SLC25A27: variants seen among roughly 807,000 people sequenced by gnomAD.
SLC25A27 encodes the protein solute carrier family 25 member 27.
Under a neutral mutation model 49.1 loss-of-function variants are expected in SLC25A27, and 35 were observed. The ratio of observed to expected loss-of-function variants is 0.71; its 90% confidence interval spans 0.54 to 0.95. The LOEUF is 0.95. SLC25A27 is among the 40% of genes least tolerant of loss of function. The probability of loss-of-function intolerance (pLI) is 0.00; values close to 1 mark genes in which losing one functional copy is unlikely to be tolerated. For synonymous variants in SLC25A27, 144 were observed against 136.9 expected, an observed-to-expected ratio of 1.05 and a Z score of -0.36; for missense variants, 339 against 397.1, an observed-to-expected ratio of 0.85 and a Z score of 1.24.
Position 46,670,201 on chromosome 6 carries a change from G to A in SLC25A27, c.771G>A (p.Met257Ile). The A allele has an allele frequency of 6.2e-7, 1 of 1,612,732 alleles. No individual in the cohort carries two copies. The highest frequency in any genetic ancestry group is 1.3e-5 in the African/African-American group (1 of 74,906). ...TPADVIKSRI[M>I]NQPRDKQGRG... is the part of the protein sequence containing the mutation. ...CCGATGTCATCAAAAGCAGAATAAT[G>A]AATCAACCACGAGATAAACAAGGAA... Residue 257 changes from methionine (M) to isoleucine (I), a missense_variant, in exon 7 of 9, where the codon ATG becomes ATA. Physicochemically the swap from Met to Ile is conservative, Grantham distance 10. Transcript: ENST00000371347.
At chr6:46,664,606 A>T (rs1763265513) in intron 4 of SLC25A27, among the ~76,000 whole-genome samples, 168 bp from the exon 5 acceptor site, 1 of 152,228 alleles carries the variant, frequency 6.6e-6, no homozygotes, top group African/African-American at 2.4e-5. Context: ...TATTATGTTT[A>T]TCTGTAAATT....
In SLC25A27 at chr6:46,653,129, C is replaced by T; in HGVS notation, c.-64C>T. 6.7e-7 allele frequency: 1 copy of T among 1,493,936 alleles called. No individual in the cohort carries two copies. The highest frequency in any genetic ancestry group is 9.2e-7 in the Non-Finnish European group (1 of 1,083,670). 92.5% of individuals were successfully genotyped at this position (1,493,936 alleles called of 1,614,324 possible). On this transcript the variant is annotated 5_prime_UTR_variant, in exon 1 of 9. Coordinates refer to ENST00000371347, the MANE Select transcript of SLC25A27 (RefSeq NM_004277.5). ...AGGGGCCGCCCTGGCAGGGAAGCGG[C>T]CGCCGCGGCGCGGTGCAGCGCAGCG...
At chr6:46,666,223 A>G (rs1211140625) in intron 5 of SLC25A27, among the ~76,000 whole-genome samples, 1 of 152,068 alleles carries the variant, frequency 6.6e-6, no homozygotes, top group African/African-American at 2.4e-5. Flanking sequence ...GTTGTATTAT[A>G]TGCCCTTTTG....
intron 4 of SLC25A27, among the ~76,000 whole-genome samples, chr6:46,664,572 A>C (rs1387480885): frequency 6.6e-6 from 1 of 152,220 alleles, no homozygotes; most frequent in Non-Finnish European, 1.5e-5. Context: ...TTTAAGTCAA[A>C]TGTTGGCCTT....
In SLC25A27 at chr6:46,678,033, TATATA is replaced by T. The variant is rs1562046123; in HGVS notation, c.*1580_*1584del. 17 of 41,910 alleles carry T rather than the reference TATATA, an allele frequency of 4.1e-4. 1 individual carries two copies. Among genetic ancestry groups the T allele is most frequent in the African/African-American group, 1.2e-3 (17 of 14,116 alleles). The allele number at this position is 41,910 out of a possible 1,614,324, so 2.6% of individuals were successfully genotyped here. On this transcript the variant is annotated 3_prime_UTR_variant, in exon 9 of 9. Coordinates refer to ENST00000371347, the MANE Select transcript of SLC25A27 (RefSeq NM_004277.5). ...TATGTAATTGCGTTGTAAAATATTA[TATATA>T]TATATATATATATATATATATATAT...
At chr6:46,658,416 G>T in intron 2 of SLC25A27, 2 of 360,046 alleles carry the variant, frequency 5.6e-6, no homozygotes, top group South Asian at 4.2e-5. Context: ...TCATTGTGTT[G>T]TTTTACAGCT....
At position 46,656,347 on chromosome 6, in the gene SLC25A27, AT is replaced by A. The variant is rs771129922; in HGVS notation, c.298+332del. Among the ~76,000 whole-genome samples the A allele has an allele frequency of 9.0e-3, 1,230 of 136,112 alleles. 19 individuals are homozygous for A. The highest frequency in any genetic ancestry group is 0.024 in the African/African-American group (883 of 37,070). 89.3% of individuals were successfully genotyped at this position (136,112 alleles called of 152,430 possible). Reference sequence around the variant, plus strand: ...AGGTGCACGCCACCACACCCAGCTAATTTTTTTTTTTTTTTTTTTAGAGAGT... The same window carrying A: ...AGGTGCACGCCACCACACCCAGCTAATTTTTTTTTTTTTTTTTTAGAGAGT... On this transcript the variant is annotated intron_variant, in intron 2 of 8. Coordinates refer to ENST00000371347, the MANE Select transcript of SLC25A27 (RefSeq NM_004277.5).
At position 46,676,689 on chromosome 6, in the gene SLC25A27, A is replaced by C. The variant is rs1763805970; in HGVS notation, c.*235A>C. The C allele has an allele frequency of 1.3e-6, 2 of 1,550,578 alleles. No homozygotes were observed. The highest frequency in any genetic ancestry group is 4.9e-5 in the East Asian group (2 of 40,922). The stretch of plus-strand genomic sequence containing the variant: ...ACAAGGCCATCCAATGAGACCCCGC[A>C]CAGCATTTTCTAAAGAAGAATCGAA... On this transcript the variant is annotated 3_prime_UTR_variant, in exon 9 of 9. Coordinates refer to ENST00000371347, the MANE Select transcript of SLC25A27 (RefSeq NM_004277.5).
chr6:46,660,464 C>T (rs181652204), intron 3 of SLC25A27, among the ~76,000 whole-genome samples: 1 of 152,216 alleles, frequency 6.6e-6, no homozygotes, highest in Non-Finnish European at 1.5e-5. Flanking sequence ...CATTTTTGAA[C>T]GTGTAACCCC....
intron 6 of SLC25A27, among the ~76,000 whole-genome samples, chr6:46,669,299 A>T (rs1582511303): frequency 6.6e-6 from 1 of 152,352 alleles, no homozygotes; most frequent in African/African-American, 2.4e-5. Context: ...AAGGAGGTAG[A>T]AATAGACAAG....
At chr6:46,672,730 G>T (rs1324126386) in intron 8 of SLC25A27, among the ~76,000 whole-genome samples, 1 of 152,102 alleles carries the variant, frequency 6.6e-6, no homozygotes, top group African/African-American at 2.4e-5. Flanking sequence ...TGAAATTTTG[G>T]ATACCCATAG....
rs1393167079 is a variant in SLC25A27 at position 46,676,557 on chromosome 6, C to A, written c.*103C>A. The A allele has an allele frequency of 6.3e-7, 1 of 1,599,768 alleles. No individual in the cohort carries two copies. Among genetic ancestry groups the A allele is most frequent in the Non-Finnish European group, 8.5e-7 (1 of 1,172,034 alleles). ...TTATTTCTACCTCTTTAGGAAGACACCTATTCCACAGAGACTGATTTATAG... is the reference window on the plus strand; with the variant it reads ...TTATTTCTACCTCTTTAGGAAGACAACTATTCCACAGAGACTGATTTATAG... On this transcript the variant is annotated 3_prime_UTR_variant, in exon 9 of 9. Coordinates refer to ENST00000371347, the MANE Select transcript of SLC25A27 (RefSeq NM_004277.5).
In SLC25A27 at chr6:46,655,535, G is replaced by GTTTTTTTTTTTTTTTTTTT. The variant is rs773585919; in HGVS notation, c.107-288_107-270dup. On this transcript the variant is annotated intron_variant, in intron 1 of 8. Coordinates refer to ENST00000371347, the MANE Select transcript of SLC25A27 (RefSeq NM_004277.5). Reference sequence around the variant, plus strand: ...ATTTTAATTTTTATTGTTAATGTTTGTTTTTTTTTTTTTTTTTTTTTTTTT... The same window carrying GTTTTTTTTTTTTTTTTTTT: ...ATTTTAATTTTTATTGTTAATGTTTGTTTTTTTTTTTTTTTTTTTTTTTTTTTTTTTTTTTTTTTTTTTT... 5.6e-4 allele frequency among the ~76,000 whole-genome samples: 6 copies of GTTTTTTTTTTTTTTTTTTT among 10,740 alleles called. 2 individuals are homozygous for GTTTTTTTTTTTTTTTTTTT. Among genetic ancestry groups the GTTTTTTTTTTTTTTTTTTT allele is most frequent in the Admixed American group, 2.6e-3 (2 of 768 alleles). The allele number at this position is 10,740 out of a possible 152,430, so 7.0% of individuals were successfully genotyped here.
intron 8 of SLC25A27, among the ~76,000 whole-genome samples, chr6:46,671,642 C>T (rs564084998): frequency 2.6e-5 from 4 of 151,826 alleles, no homozygotes; most frequent in East Asian, 1.9e-4. Flanking sequence ...TGTTACATTA[C>T]CCATTAATAT....
At position 46,653,058 on chromosome 6, in the gene SLC25A27, G is replaced by C; in HGVS notation, c.-135G>C. 1 of 816,362 alleles carries C rather than the reference G, an allele frequency of 1.2e-6. No individual in the cohort carries two copies. Among genetic ancestry groups the C allele is most frequent in the Non-Finnish European group, 2.0e-6 (1 of 511,388 alleles). The allele number at this position is 816,362 out of a possible 1,614,324, so 50.6% of individuals were successfully genotyped here. On this transcript the variant is annotated 5_prime_UTR_variant, in exon 1 of 9. Coordinates refer to ENST00000371347, the MANE Select transcript of SLC25A27 (RefSeq NM_004277.5). The stretch of plus-strand genomic sequence containing the variant: ...GAAGGTTGCGGGTCCACCCGGCCGA[G>C]CCGAACGAGGGAAATGGTCCTCACC...
intron 7 of SLC25A27, 50 bp downstream of exon 7, chr6:46,670,277 T>C (rs1230009176): frequency 8.4e-7 from 1 of 1,194,534 alleles, no homozygotes; most frequent in Non-Finnish European, 1.2e-6. Context: ...TGTAATACCT[T>C]TGTGTTTTAA....
chr6:46,670,498 G>T (rs115675539), intron 7 of SLC25A27: 3 of 355,204 alleles, frequency 8.4e-6, no homozygotes, highest in Non-Finnish European at 1.5e-5. Context: ...ATATTCTGCT[G>T]AGAATTTACA....
At position 46,658,997 on chromosome 6, in the gene SLC25A27, C is replaced by T. The variant is rs1763078542; in HGVS notation, c.334C>T (p.Leu112Phe). Residue 112 changes from leucine (L) to phenylalanine (F), a missense_variant, in exon 3 of 9, where the codon CTC becomes TTC. Physicochemically the swap from Leu to Phe is conservative, Grantham distance 22. Coordinates refer to ENST00000371347, the MANE Select transcript of SLC25A27 (RefSeq NM_004277.5). ...SGGRMVTYEHLREVVFGKSED... is the reference protein window; with the variant it reads ...SGGRMVTYEHFREVVFGKSED... ...AGGTCGAATGGTCACATATGAACAT[C>T]TCCGAGAGGTTGTGTTTGGCAAAAG... The T allele has an allele frequency of 6.2e-7, 1 of 1,613,654 alleles. No individual in the cohort carries two copies.
intron 8 of SLC25A27, among the ~76,000 whole-genome samples, chr6:46,672,374 A>G (rs1177022473): frequency 1.3e-5 from 2 of 152,072 alleles, no homozygotes; most frequent in Non-Finnish European, 2.9e-5. Flanking sequence ...CAGAAGAGTA[A>G]TGGGCACCAG....
Sources: allele counts gnomAD v4.1 joint callset (sites outside exome capture counted in the v4.1 genomes callset), GRCh38; gene constraint gnomAD v4.1.1; transcripts MANE v1.5; gene names NCBI Gene and HGNC (gene_info 2026-07-23, HGNC 2026-07-21).